PTRH1: variants seen among roughly 807,000 people sequenced by gnomAD.
PTRH1 encodes the protein peptidyl-tRNA hydrolase.
Under a neutral mutation model 15.7 loss-of-function variants are expected in PTRH1, and 13 were observed. That is an observed-to-expected ratio of 0.83 (90% CI 0.54 to 1.31). The LOEUF (loss-of-function observed/expected upper bound fraction) is 1.31, where lower values mean the gene tolerates loss of function less well. PTRH1 is among the 40% of genes most tolerant of loss of function. PTRH1 has a pLI of 0.00. For missense variants in PTRH1, 319 were observed against 296.2 expected (o/e 1.08, Z -0.56); for synonymous variants, 139 against 136.7 (o/e 1.02, Z -0.12).
At position 127,714,668 on chromosome 9, in the gene PTRH1, G is replaced by C. The variant is rs1456841009; in HGVS notation, c.351C>G (p.Tyr117Ter). The C allele has an allele frequency of 5.6e-6, 9 of 1,613,776 alleles. No homozygotes were observed. The highest frequency in any genetic ancestry group is 7.6e-6 in the Non-Finnish European group (9 of 1,179,894). Residue 117 changes from tyrosine (Y) to a stop codon, truncating the protein, a stop_gained, in exon 3 of 5, where the codon TAC becomes TAG. Coordinates refer to ENST00000543175, the MANE Select transcript of PTRH1 (RefSeq NM_001002913.3). LOFTEE classifies it high-confidence loss of function. ...GCTTGTCCAGCTCATCATGCACCAGGTAGACTTCCTCGGCAGTCAGCCCAA... is the reference window on the plus strand; with the variant it reads ...GCTTGTCCAGCTCATCATGCACCAGCTAGACTTCCTCGGCAGTCAGCCCAA... ...ELFGLTAEEV[Y>*]LVHDELDKPL... is the part of the protein sequence containing the mutation.
chr9:127,713,346 A>G, downstream of PTRH1: 5 of 685,720 alleles, frequency 7.3e-6, no homozygotes, highest in Admixed American at 3.5e-5. Flanking sequence ...AAATGGGCTG[A>G]AGAAAGGAGT....
rs1457187463 is a variant in PTRH1, at chr9:127,714,006, A to G, written c.*94T>C. On this transcript the variant is annotated 3_prime_UTR_variant, in exon 5 of 5. Transcript: ENST00000543175. Reference sequence around the variant, plus strand: ...CTGGAACAGTCTAGAGGAGATTTGTATAAAAAGTAGATACCAAGGCTGGCG... The same window carrying G: ...CTGGAACAGTCTAGAGGAGATTTGTGTAAAAAGTAGATACCAAGGCTGGCG... 9 of 1,582,218 alleles carry G rather than the reference A, an allele frequency of 5.7e-6. No homozygotes were observed. The East Asian group carries it at 1.3e-4, about 24-fold the overall frequency.
At chr9:127,702,456 G>A (rs1181391400) in intron 1 of PTRH1, among the ~76,000 whole-genome samples, 1 of 151,632 alleles carries the variant, frequency 6.6e-6, no homozygotes, top group African/African-American at 2.4e-5. Context: ...GGAATCACTT[G>A]AGCCCAGGAG....
intron 1 of PTRH1, among the ~76,000 whole-genome samples, chr9:127,708,341 G>C (rs1039236490): frequency 1.3e-5 from 2 of 152,124 alleles, no homozygotes; most frequent in East Asian, 3.9e-4. Context: ...GCTGGGCATG[G>C]TGGCGGGCGC....
chr9:127,711,596 G>T, downstream of PTRH1: 1 of 1,452,988 alleles, frequency 6.9e-7, no homozygotes, highest in East Asian at 2.3e-5. Context: ...AAGTCAGGAG[G>T]GAGGGAGGCA....
At chr9:127,711,954 C>T (rs768261425), downstream of PTRH1, 51 of 1,604,704 alleles carry the variant, frequency 3.2e-5, no homozygotes, top group South Asian at 6.7e-5. Context: ...CACTGAAGTG[C>T]GTATGGCCCA....
downstream of PTRH1, chr9:127,713,382 T>G (rs1287295331): frequency 9.4e-5 from 50 of 532,134 alleles, no homozygotes; most frequent in East Asian, 1.5e-3. Flanking sequence ...GGCCAAAGCA[T>G]GCCCACACAT....
downstream of PTRH1, chr9:127,709,451 T>C (rs1359398427): frequency 5.0e-6 from 8 of 1,613,666 alleles, no homozygotes; most frequent in Admixed American, 8.3e-5. The surrounding 1 kb of genome is among the most constrained non-coding windows in gnomAD (Gnocchi z 4.7). Flanking sequence ...GAGCTGGCTG[T>C]GCAGGAGAAG....
intron 1 of PTRH1, among the ~76,000 whole-genome samples, chr9:127,704,984 G>C (rs979934345): frequency 2.0e-4 from 31 of 152,050 alleles, no homozygotes; most frequent in Middle Eastern, 3.4e-3. Flanking sequence ...CTGGCCTTAA[G>C]TGATCCTCCC....
At chr9:127,711,955 G>C, downstream of PTRH1, 1 of 1,604,398 alleles carries the variant, frequency 6.2e-7, no homozygotes, top group East Asian at 2.2e-5. Context: ...ACTGAAGTGC[G>C]TATGGCCCAC....
At chr9:127,712,169 G>A (rs757634183), downstream of PTRH1, 2 of 1,612,422 alleles carry the variant, frequency 1.2e-6, no homozygotes, top group Admixed American at 1.7e-5. Flanking sequence ...GAAGGGGGAA[G>A]GCTGTTGACT....
intron 1 of PTRH1, among the ~76,000 whole-genome samples, chr9:127,699,326 CCGACACT>C (rs1454085599): frequency 2.0e-5 from 3 of 152,228 alleles, no homozygotes; most frequent in African/African-American, 7.2e-5. Flanking sequence ...CAACGCGGAA[CCGACACT>C]CGAGGCCGAA....
chr9:127,699,311 T>A (rs1842586014), intron 1 of PTRH1, among the ~76,000 whole-genome samples: 1 of 152,158 alleles, frequency 6.6e-6, no homozygotes, highest in Admixed American at 6.5e-5. Context: ...TGCACTCCCC[T>A]CAACCAACGC....
chr9:127,713,114 C>T (rs755443452), downstream of PTRH1: 23 of 1,613,040 alleles, frequency 1.4e-5, no homozygotes, highest in Admixed American at 2.2e-4. Context: ...CCTGGTACCT[C>T]GCCAGGTCCA....
At chr9:127,702,400 G>GGTGCATGC (rs1256371865) in intron 1 of PTRH1, among the ~76,000 whole-genome samples, 3 of 151,720 alleles carry the variant, frequency 2.0e-5, no homozygotes, top group Admixed American at 1.3e-4. Context: ...AGCCGGAGGT[G>GGTGCATGC]GTGCATGCAC....
intron 1 of PTRH1, among the ~76,000 whole-genome samples, chr9:127,700,853 C>G (rs1049179094): frequency 2.6e-5 from 4 of 152,228 alleles, no homozygotes; most frequent in African/African-American, 9.6e-5. Context: ...TTTCATTGGA[C>G]AAGAGGCTGA....
chr9:127,702,065 A>G (rs1255862468), intron 1 of PTRH1, among the ~76,000 whole-genome samples: 1 of 151,374 alleles, frequency 6.6e-6, no homozygotes, highest in Non-Finnish European at 1.5e-5. Context: ...TCTAAAAAAC[A>G]AATTGTTTAA....
At chr9:127,712,409 C>CTGCTTGCT, downstream of PTRH1, 7 of 1,589,492 alleles carry the variant, frequency 4.4e-6, no homozygotes, top group South Asian at 7.9e-5. Context: ...AAGATGGAAG[C>CTGCTTGCT]TGCTTGCAGA....
downstream of PTRH1, chr9:127,709,761 A>C: frequency 2.8e-5 from 43 of 1,514,560 alleles, no homozygotes; most frequent in Non-Finnish European, 3.8e-5. This position sits in a 1 kb window ranked among gnomAD's most constrained non-coding sequence, Gnocchi z 4.7. Flanking sequence ...CCTGTTTCTC[A>C]CCTGGGAAAC....
Sources: gnomAD v4.1 joint callset for allele counts (sites outside exome capture counted in the v4.1 genomes callset) on GRCh38, gnomAD v4.1.1 for gene constraint, Gnocchi (gnomAD v3.1) non-coding constraint, MANE v1.5 for transcripts, NCBI Gene and HGNC (gene_info 2026-07-23, HGNC 2026-07-21) for gene names.